RANBP17: variants seen among roughly 807,000 people sequenced by gnomAD.
RANBP17 encodes the protein RAN binding protein 17, also known as ran-binding protein 17.
A neutral mutation model predicts 141.2 loss-of-function variants in RANBP17; 158 were observed. The ratio of observed to expected loss-of-function variants is 1.12; its 90% CI spans 0.98 to 1.28. The LOEUF is 1.28. RANBP17 is among the 50% of genes most tolerant of loss of function. The pLI, the probability that RANBP17 is intolerant of heterozygous loss-of-function variation, is 0.00. For synonymous variants in RANBP17, 430 were observed against 450.0 expected (o/e 0.96, Z 0.56); for missense variants, 1,438 against 1,290.7 (o/e 1.11, Z -1.75).
intron 14 of RANBP17, among the ~76,000 whole-genome samples, chr5:171,162,542 C>T (rs1759426061): frequency 6.6e-6 from 1 of 152,112 alleles, no homozygotes; most frequent in Admixed American, 6.6e-5. Flanking sequence ...GGAAAAGAAT[C>T]TCTCCAAAAT....
intron 14 of RANBP17, among the ~76,000 whole-genome samples, chr5:171,032,080 T>G (rs890187200): frequency 1.3e-5 from 2 of 152,104 alleles, no homozygotes; most frequent in Non-Finnish European, 2.9e-5. Context: ...TTAGAAGGAT[T>G]TGTTATCTCT....
At chr5:170,947,719 C>CT (rs1774875623) in intron 12 of RANBP17, among the ~76,000 whole-genome samples, 1 of 152,078 alleles carries the variant, frequency 6.6e-6, no homozygotes. Context: ...AGTGTATACT[C>CT]TATCTAGTTG....
intron 14 of RANBP17, among the ~76,000 whole-genome samples, chr5:171,026,309 A>G (rs1450856939): frequency 6.6e-6 from 1 of 152,210 alleles, no homozygotes; most frequent in African/African-American, 2.4e-5. Context: ...GTGGGGAAAC[A>G]GGCTCAGAGA....
chr5:171,176,768 A>G lies in RANBP17; in HGVS notation c.1865+5482A>G, dbSNP rs192816598. Among the ~76,000 whole-genome samples, 4 of 152,292 alleles carry G rather than the reference A, an allele frequency of 2.6e-5. No homozygotes were observed. The East Asian group carries it at 7.7e-4, about 29-fold the overall frequency. ...CATTTAGACATAAGCTTATAGATAA[A>G]CCATTAAGTATGCAGCTTTTAAACT... On this transcript the variant is annotated intron_variant, in intron 16 of 27. Coordinates refer to ENST00000523189, the MANE Select transcript of RANBP17 (RefSeq NM_022897.5).
chr5:171,035,559 G>T (rs960669277), intron 14 of RANBP17, among the ~76,000 whole-genome samples: 1 of 147,954 alleles, frequency 6.8e-6, no homozygotes, highest in Non-Finnish European at 1.5e-5. Context: ...TGTTTTTTAG[G>T]GTTTTTTTTT....
chr5:171,119,130 G>A (rs1342340326), intron 14 of RANBP17, among the ~76,000 whole-genome samples: 1 of 152,122 alleles, frequency 6.6e-6, no homozygotes, highest in East Asian at 1.9e-4. Context: ...TTATCATGAA[G>A]GGATGCTGAA....
chr5:171,233,641 GA>G (rs1764345342), intron 22 of RANBP17, among the ~76,000 whole-genome samples: 1 of 152,180 alleles, frequency 6.6e-6, no homozygotes, highest in African/African-American at 2.4e-5. Context: ...AAGCCAATCT[GA>G]AAAGCCTTAC....
chr5:171,033,457 T>TTA (rs1451731519), intron 14 of RANBP17, among the ~76,000 whole-genome samples: 4 of 152,176 alleles, frequency 2.6e-5, no homozygotes, highest in African/African-American at 9.7e-5. Context: ...CTTACTGTAG[T>TTA]TATAACCTGG....
At chr5:171,174,876 G>C (rs116415959) in intron 16 of RANBP17, among the ~76,000 whole-genome samples, 15 of 151,348 alleles carry the variant, frequency 9.9e-5, no homozygotes, top group Non-Finnish European at 2.1e-4. Flanking sequence ...AGGTACACGC[G>C]TGCCATGGTG....
At position 171,258,159 on chromosome 5, in the gene RANBP17, A is replaced by ACACC. The variant is rs1491257048; in HGVS notation, c.2777-7521_2777-7520insACCC. On this transcript the variant is annotated intron_variant, in intron 24 of 27. Coordinates refer to ENST00000523189, the MANE Select transcript of RANBP17 (RefSeq NM_022897.5). ...CACACACACACACACACACACACAC[A>ACACC]CCCCTAGGAATGCATTTAACCAAGA... Among the ~76,000 whole-genome samples the ACACC allele has an allele frequency of 4.6e-4, 61 of 133,174 alleles. No homozygotes were observed. In the South Asian group the frequency reaches 0.01, roughly 22 times the overall value. The allele number at this position is 133,174 out of a possible 152,430, so 87.4% of individuals were successfully genotyped here. A position where few individuals can be genotyped will look rare whatever the true frequency, so the allele number is the denominator to read the frequency against.
intron 14 of RANBP17, among the ~76,000 whole-genome samples, chr5:171,148,469 C>A (rs1758231816): frequency 6.6e-6 from 1 of 151,956 alleles, no homozygotes; most frequent in Non-Finnish European, 1.5e-5. Context: ...ATATGGAAAA[C>A]CCCATTTAAA....
intron 14 of RANBP17, among the ~76,000 whole-genome samples, chr5:171,067,068 C>A (rs2127685905): frequency 6.6e-6 from 1 of 152,152 alleles, no homozygotes; most frequent in East Asian, 1.9e-4. Flanking sequence ...TGCTGTTTTT[C>A]TATATGCTTT....
At chr5:171,142,985 AGTTT>A (rs1443641991) in intron 14 of RANBP17, among the ~76,000 whole-genome samples, 2 of 152,228 alleles carry the variant, frequency 1.3e-5, no homozygotes, top group African/African-American at 4.8e-5. Context: ...ATTAATAAAC[AGTTT>A]GTTTTTTATT....
chr5:170,905,332 G>A (rs1007479352), intron 5 of RANBP17, among the ~76,000 whole-genome samples: 1 of 152,118 alleles, frequency 6.6e-6, no homozygotes, highest in African/African-American at 2.4e-5. Context: ...AGTGATATGT[G>A]TTTGCGTGTG....
intron 22 of RANBP17, among the ~76,000 whole-genome samples, chr5:171,234,282 G>A (rs1169427287): frequency 6.6e-6 from 1 of 152,110 alleles, no homozygotes; most frequent in Non-Finnish European, 1.5e-5. Context: ...CTGAAGGGCA[G>A]CAAGGAGGTC....
At chr5:171,249,221 A>G (rs1420536242) in intron 24 of RANBP17, among the ~76,000 whole-genome samples, 1 of 152,200 alleles carries the variant, frequency 6.6e-6, no homozygotes, top group East Asian at 1.9e-4. Flanking sequence ...GCATACATCC[A>G]CAATCAAAGC....
intron 11 of RANBP17, among the ~76,000 whole-genome samples, chr5:170,920,137 G>C (rs1307583776): frequency 6.6e-6 from 1 of 152,014 alleles, no homozygotes; most frequent in African/African-American, 2.4e-5. Flanking sequence ...CACAGATTTT[G>C]TACAAACATA....
intron 14 of RANBP17, among the ~76,000 whole-genome samples, chr5:171,028,292 G>A (rs1044813512): frequency 6.6e-6 from 1 of 151,984 alleles, no homozygotes; most frequent in African/African-American, 2.4e-5. Flanking sequence ...AAAATCATCA[G>A]TTTTGGAGAT....
chr5:171,000,547 T>C (rs894053932), intron 14 of RANBP17, among the ~76,000 whole-genome samples: 3 of 152,226 alleles, frequency 2.0e-5, no homozygotes, highest in African/African-American at 7.2e-5. Flanking sequence ...ATATATTGAC[T>C]ATTGAAATCT....
Sources: allele counts gnomAD v4.1 joint callset (sites outside exome capture counted in the v4.1 genomes callset), GRCh38; gene constraint gnomAD v4.1.1; transcripts MANE v1.5; gene names NCBI Gene and HGNC (gene_info 2026-07-23, HGNC 2026-07-21).